Variants in KIF2A observed in about 807,000 individuals in gnomAD.
The protein encoded by KIF2A is kinesin family member 2A, also known as kinesin-like protein KIF2A.
A neutral mutation model predicts 100.2 loss-of-function variants in KIF2A; 22 were observed. The ratio of observed to expected loss-of-function variants is 0.22; its 90% CI spans 0.16 to 0.31. KIF2A has a LOEUF of 0.31. Among genes scored for constraint, KIF2A ranks in the 10% least tolerant of loss-of-function variants. The pLI is 1.00. For missense variants in KIF2A, 495 were observed against 898.7 expected, an observed-to-expected ratio of 0.55 and a Z score of 5.74; for synonymous variants, 268 against 285.9, an observed-to-expected ratio of 0.94 and a Z score of 0.63.
intron 1 of KIF2A, among the ~76,000 whole-genome samples, chr5:62,339,181 A>T (rs1006393258): frequency 6.6e-6 from 1 of 152,198 alleles, no homozygotes; most frequent in Non-Finnish European, 1.5e-5. Flanking sequence ...GGAAGGTCTC[A>T]TGAAGGCTAA....
At chr5:62,358,073 A>G (rs1748207121) in intron 8 of KIF2A, 64 bp from the exon 9 acceptor site, 3 of 1,238,190 alleles carry the variant, frequency 2.4e-6, no homozygotes, top group Non-Finnish European at 3.3e-6. Context: ...ACTTAAAATA[A>G]TTTTGTACAT....
At chr5:62,323,003 T>C (rs1038895363) in intron 1 of KIF2A, among the ~76,000 whole-genome samples, 3 of 147,496 alleles carry the variant, frequency 2.0e-5, no homozygotes, top group African/African-American at 7.5e-5. Flanking sequence ...ATGCCTGTAA[T>C]CCCAGCACTT....
chr5:62,346,189 C>T (rs757674478), intron 1 of KIF2A, among the ~76,000 whole-genome samples: 3 of 151,960 alleles, frequency 2.0e-5, no homozygotes, highest in African/African-American at 4.8e-5. Flanking sequence ...AACCTACAGT[C>T]TACTAAGAAG....
chr5:62,370,511 G>C (rs1265170608), intron 16 of KIF2A, among the ~76,000 whole-genome samples: 3 of 151,960 alleles, frequency 2.0e-5, no homozygotes, highest in Non-Finnish European at 4.4e-5. Context: ...TGGCCAGGCT[G>C]GTCTCGAACT....
rs925638530 is a variant in KIF2A at position 62,347,172 on chromosome 5, A to G, written c.107A>G (p.Asn36Ser). Residue 36 changes from asparagine to serine, a missense_variant, in exon 2 of 21, where the codon AAT becomes AGT. Around this residue, in one of 10 missense-constraint regions of KIF2A, gnomAD observed 115 missense variants for 143.6 expected, o/e 0.80. Coordinates refer to ENST00000407818, the MANE Select transcript of KIF2A (RefSeq NM_001098511.3). ...ATGGTAACATCTTTAAATGAAGATA[A>G]TGAAAGTGTAACTGTTGAATGGATA... is the stretch of plus-strand genomic sequence containing the variant. ...QAMVTSLNED[N>S]ESVTVEWIEN... 5 of 1,604,430 alleles carry G rather than the reference A, an allele frequency of 3.1e-6. No homozygotes were observed. The African/African-American group carries it at 4.0e-5, about 13-fold the overall frequency.
In KIF2A at chr5:62,363,781, A is replaced by G; in HGVS notation, c.1349A>G (p.His450Arg). The G allele has an allele frequency of 6.2e-7, 1 of 1,613,964 alleles. No homozygotes were observed. The highest frequency in any genetic ancestry group is 8.5e-7 in the Non-Finnish European group (1 of 1,179,846). ...QIILRRKGKL[H>R]GKFSLIDLAG... ...ATTCTTAGAAGGAAAGGAAAACTAC[A>G]TGGCAAATTTTCTCTCATTGATTTG... is the stretch of plus-strand genomic sequence containing the variant. Residue 450 changes from histidine (H) to arginine (R), a missense_variant, in exon 14 of 21, where the codon CAT becomes CGT. This residue lies in a region of KIF2A where 38 missense variants were observed against 99.5 expected (regional missense o/e 0.38). Transcript: ENST00000407818.
intron 1 of KIF2A, among the ~76,000 whole-genome samples, chr5:62,334,563 C>T (rs1419857470): frequency 1.3e-5 from 2 of 149,116 alleles, no homozygotes; most frequent in African/African-American, 2.5e-5. Context: ...CTCCTCTCGT[C>T]CTCCACTTTA....
At chr5:62,347,931 T>A in intron 2 of KIF2A, 117 bp from the exon 3 acceptor site, 2 of 1,115,370 alleles carry the variant, frequency 1.8e-6, no homozygotes, top group Non-Finnish European at 1.3e-6. Flanking sequence ...GCCGAGTTAC[T>A]GTATTCATTA....
At position 62,338,679 on chromosome 5, in the gene KIF2A, A is replaced by T. The variant is rs570550516; in HGVS notation, c.65-8451A>T. 1.6e-4 allele frequency among the ~76,000 whole-genome samples: 25 copies of T among 152,362 alleles called. No homozygotes were observed. In the South Asian group the frequency reaches 5.0e-3, roughly 30 times the overall value. ...TAGCATACCAAAAAACAACAAAAAA[A>T]ATCCATAATGGAAAAACATACATTT... On this transcript the variant is annotated intron_variant, in intron 1 of 20. Coordinates refer to ENST00000407818, the MANE Select transcript of KIF2A (RefSeq NM_001098511.3).
chr5:62,318,649 A>AT (rs944667068), intron 1 of KIF2A, among the ~76,000 whole-genome samples: 1 of 151,964 alleles, frequency 6.6e-6, no homozygotes, highest in African/African-American at 2.4e-5. Flanking sequence ...TATTACTCAG[A>AT]TTTTTTCCTT....
rs919171072 is a variant in KIF2A at position 62,389,875 on chromosome 5, G to T, written c.*4306G>T. 6.6e-6 allele frequency among the ~76,000 whole-genome samples: 1 copy of T among 152,154 alleles called. No homozygotes were observed. Among genetic ancestry groups the T allele is most frequent in the Non-Finnish European group, 1.5e-5 (1 of 68,014 alleles). ...AATTTAGTGAAAATGAAGAAAAAGA[G>T]AAAATATTTCTCTTTAGACCTGAGG... On this transcript the variant is annotated 3_prime_UTR_variant, in exon 21 of 21. Transcript: ENST00000407818.
At chr5:62,368,472 T>A (rs1259272846) in intron 16 of KIF2A, among the ~76,000 whole-genome samples, 1 of 152,086 alleles carries the variant, frequency 6.6e-6, no homozygotes, top group Non-Finnish European at 1.5e-5. Flanking sequence ...TAAAATATAA[T>A]CACTTCTTTA....
At chr5:62,311,006 G>A (rs935812947) in intron 1 of KIF2A, among the ~76,000 whole-genome samples, 1 of 152,150 alleles carries the variant, frequency 6.6e-6, no homozygotes, top group Non-Finnish European at 1.5e-5. Context: ...GGGTCTCTTA[G>A]TCACAGTACT....
chr5:62,385,415 C>T, intron 20 of KIF2A, 69 bp from the exon 21 acceptor site: 1 of 1,038,876 alleles, frequency 9.6e-7, no homozygotes, highest in African/African-American at 1.6e-5. Context: ...CTTGATTGAA[C>T]CCATAAAGTT....
chr5:62,344,393 A>T (rs1216775797), intron 1 of KIF2A, among the ~76,000 whole-genome samples: 2 of 151,966 alleles, frequency 1.3e-5, no homozygotes, highest in Admixed American at 1.3e-4. Flanking sequence ...TATATTTGTT[A>T]TGATTAAATG....
chr5:62,347,978 T>G, intron 2 of KIF2A, 70 bp from the exon 3 acceptor site: 1 of 1,515,628 alleles, frequency 6.6e-7, no homozygotes, highest in Non-Finnish European at 9.0e-7. Flanking sequence ...CTTCATCAAT[T>G]TACTTGAAAA....
chr5:62,351,334 A>C (rs1248820408), intron 4 of KIF2A, among the ~76,000 whole-genome samples: 2 of 152,178 alleles, frequency 1.3e-5, no homozygotes, highest in Non-Finnish European at 2.9e-5. Flanking sequence ...ATAATTTTGC[A>C]AATTCGAGAA....
chr5:62,384,605 T>G (rs1407415101), intron 20 of KIF2A, among the ~76,000 whole-genome samples: 1 of 152,172 alleles, frequency 6.6e-6, no homozygotes, highest in East Asian at 1.9e-4. Context: ...TCATATCCAG[T>G]TGAGAGCCAC....
intron 20 of KIF2A, among the ~76,000 whole-genome samples, chr5:62,381,847 G>A (rs1756853967): frequency 6.6e-6 from 1 of 152,230 alleles, no homozygotes; most frequent in African/African-American, 2.4e-5. Context: ...ACAGGCATGA[G>A]CCACCACACT....
Sources: gnomAD v4.1 joint callset for allele counts (sites outside exome capture counted in the v4.1 genomes callset) on GRCh38, gnomAD v4.1.1 for gene constraint, gnomAD v4.1.1 regional missense constraint, MANE v1.5 for transcripts, NCBI Gene and HGNC (gene_info 2026-07-23, HGNC 2026-07-21) for gene names.